SAMD5: variants seen among roughly 807,000 people sequenced by gnomAD.
SAMD5 encodes the protein sterile alpha motif domain containing 5, also known as sterile alpha motif domain-containing protein 5.
SAMD5 carries 13 observed loss-of-function variants against 11.3 expected under a neutral mutation model. That is an observed-to-expected ratio of 1.15 (90% CI 0.75 to 1.83). SAMD5 has a LOEUF of 1.83. Ranked by LOEUF, SAMD5 falls within the 40% of genes most tolerant of loss-of-function variation. The pLI, the probability that SAMD5 is intolerant of heterozygous loss-of-function variation, is 0.00. For synonymous variants in SAMD5, 129 were observed against 111.3 expected, an observed-to-expected ratio of 1.16 and a Z score of -1.00; for missense variants, 255 against 239.1, an observed-to-expected ratio of 1.07 and a Z score of -0.44.
At chr6:147,882,221 A>G in the SAMD5 span, among the ~76,000 whole-genome samples, 2 of 152,148 alleles carry the variant, frequency 1.3e-5, no homozygotes, top group Non-Finnish European at 2.9e-5. Context: ...AGAGTTAGAT[A>G]TTATCTTGTT....
At chr6:147,776,011 T>A in the SAMD5 span, among the ~76,000 whole-genome samples, 2 of 152,184 alleles carry the variant, frequency 1.3e-5, no homozygotes, top group Non-Finnish European at 2.9e-5. Context: ...CCAGAATAGG[T>A]GCTGGAAACC....
chr6:147,869,828 G>A, the SAMD5 span, among the ~76,000 whole-genome samples: 2 of 151,968 alleles, frequency 1.3e-5, no homozygotes, highest in Non-Finnish European at 2.9e-5. Flanking sequence ...CTCCTGAGTA[G>A]TTGGGACCAC....
At chr6:147,511,958 T>TTTTG (rs767517111) in intron 1 of SAMD5, among the ~76,000 whole-genome samples, 21 of 152,170 alleles carry the variant, frequency 1.4e-4, no homozygotes, top group Non-Finnish European at 2.5e-4. Flanking sequence ...ATATAGTATT[T>TTTTG]TTTGTTTGTT....
the SAMD5 span, among the ~76,000 whole-genome samples, chr6:147,927,852 T>G: frequency 6.6e-5 from 10 of 152,322 alleles, no homozygotes; most frequent in Non-Finnish European, 1.2e-4. Flanking sequence ...CAATATCTAG[T>G]TTACTGAGAA....
chr6:147,596,620 A>C (rs1789534943), intron 1 of SAMD5, among the ~76,000 whole-genome samples: 1 of 152,226 alleles, frequency 6.6e-6, no homozygotes, highest in Non-Finnish European at 1.5e-5. Flanking sequence ...CTCTTTCCCC[A>C]ATTATTAATG....
the SAMD5 span, among the ~76,000 whole-genome samples, chr6:147,904,938 G>A: frequency 1.3e-5 from 2 of 150,742 alleles, no homozygotes; most frequent in African/African-American, 4.9e-5. Flanking sequence ...CCCCAGGCTG[G>A]AGTGCGATGG....
At chr6:147,705,877 G>A (rs1791318297) in intron 1 of SAMD5, among the ~76,000 whole-genome samples, 1 of 152,150 alleles carries the variant, frequency 6.6e-6, no homozygotes, top group African/African-American at 2.4e-5. Flanking sequence ...TACTGTTTGA[G>A]GACAACACTA....
At chr6:147,848,695 A>T in the SAMD5 span, among the ~76,000 whole-genome samples, 1 of 152,092 alleles carries the variant, frequency 6.6e-6, no homozygotes, top group African/African-American at 2.4e-5. Flanking sequence ...TGATAAAGCA[A>T]CCCTGTCCAT....
chr6:147,840,513 G>T, the SAMD5 span, among the ~76,000 whole-genome samples: 1 of 152,336 alleles, frequency 6.6e-6, no homozygotes, highest in East Asian at 1.9e-4. Context: ...AAGGGCACCT[G>T]CTCTCAGCAG....
At chr6:147,597,419 C>T (rs889512085) in intron 1 of SAMD5, among the ~76,000 whole-genome samples, 3 of 152,104 alleles carry the variant, frequency 2.0e-5, no homozygotes, top group African/African-American at 4.8e-5. Flanking sequence ...GGGTTTGCTG[C>T]GAGCAAAAAT....
chr6:147,559,368 G>GT (rs1263603088), intron 1 of SAMD5, among the ~76,000 whole-genome samples: 2 of 152,150 alleles, frequency 1.3e-5, no homozygotes, highest in Non-Finnish European at 1.5e-5. Context: ...AGAGGCTTTT[G>GT]TTTTTTTAAC....
At chr6:147,562,000 G>A (rs7746437) in intron 1 of SAMD5, among the ~76,000 whole-genome samples, 9,605 of 152,134 alleles carry the variant, frequency 0.063, 460 homozygotes, top group African/African-American at 0.13. Flanking sequence ...TACTCCCTCA[G>A]TGAATGAAAA....
the SAMD5 span, among the ~76,000 whole-genome samples, chr6:147,808,149 G>T: frequency 2.0e-5 from 3 of 152,148 alleles, no homozygotes; most frequent in African/African-American, 7.2e-5. Context: ...GCAACCTATG[G>T]GAGGCCAACC....
intron 1 of SAMD5, among the ~76,000 whole-genome samples, chr6:147,525,882 G>C (rs888836670): frequency 6.6e-6 from 1 of 152,102 alleles, no homozygotes; most frequent in Non-Finnish European, 1.5e-5. Flanking sequence ...ATGCCTCCTG[G>C]AAAGCTAGAT....
the SAMD5 span, among the ~76,000 whole-genome samples, chr6:147,778,564 T>C: frequency 6.6e-6 from 1 of 152,136 alleles, no homozygotes; most frequent in African/African-American, 2.4e-5. Context: ...ATCCCTTCCT[T>C]TTCTCTTTTC....
the SAMD5 span, among the ~76,000 whole-genome samples, chr6:147,774,849 C>A: frequency 4.6e-5 from 7 of 152,116 alleles, no homozygotes; most frequent in African/African-American, 1.7e-4. Flanking sequence ...GAATTTTAAC[C>A]AAACTACTCC....
In SAMD5 at chr6:147,686,315, T is replaced by C. The variant is rs1583139219; in HGVS notation, c.163-51002T>C. ...TATAAAATTCTTCATTTATAGCTAG[T>C]GGTTTTTACGCTGTGTTTCAGAAAC... On this transcript the variant is annotated intron_variant, in intron 1 of 1. Coordinates refer to the SAMD5 transcript ENST00000566741. 2.0e-5 allele frequency among the ~76,000 whole-genome samples: 3 copies of C among 152,322 alleles called. No individual in the cohort carries two copies. The South Asian group carries it at 6.2e-4, about 32-fold the overall frequency.
chr6:147,765,174 C>A, the SAMD5 span, among the ~76,000 whole-genome samples: 1 of 152,168 alleles, frequency 6.6e-6, no homozygotes, highest in Non-Finnish European at 1.5e-5. Context: ...AAAGCTATGA[C>A]TCCCTACCTT....
the SAMD5 span, among the ~76,000 whole-genome samples, chr6:147,744,174 G>A: frequency 6.6e-6 from 1 of 152,114 alleles, no homozygotes; most frequent in Non-Finnish European, 1.5e-5. Context: ...TCTAAATAGA[G>A]CTGTCTGCCT....
Sources: allele counts gnomAD v4.1 joint callset (sites outside exome capture counted in the v4.1 genomes callset), GRCh38; gene constraint gnomAD v4.1.1; transcripts MANE v1.5; gene names NCBI Gene and HGNC (gene_info 2026-07-23, HGNC 2026-07-21).